The following ENPEP variants were observed in gnomAD, a reference collection of about 807,000 sequenced individuals.
ENPEP encodes the protein glutamyl aminopeptidase, also known as AP-A.
ENPEP carries 103 observed loss-of-function variants against 114.5 expected under a neutral mutation model. That is an observed-to-expected ratio of 0.90 (90% CI 0.77 to 1.06). The LOEUF is 1.06. Among genes scored for constraint, ENPEP ranks in the 50% least tolerant of loss-of-function variants. ENPEP has a pLI of 0.00. For missense variants in ENPEP, 1,196 were observed against 1,161.3 expected, an observed-to-expected ratio of 1.03 and a Z score of -0.43; for synonymous variants, 420 against 422.0, an observed-to-expected ratio of 1.00 and a Z score of 0.06.
chr4:110,476,934 G>C lies in ENPEP; in HGVS notation c.520G>C (p.Glu174Gln), dbSNP rs750548595. 3 of 1,614,202 alleles carry C rather than the reference G, an allele frequency of 1.9e-6. No individual in the cohort carries two copies. The South Asian group carries it at 3.3e-5, about 18-fold the overall frequency. ...GCAGGAGTACGTGGTGGTCGAGGCGGAGGAAGAGCTTACCCCCAGCAGTGG... is the reference window on the plus strand; with the variant it reads ...GCAGGAGTACGTGGTGGTCGAGGCGCAGGAAGAGCTTACCCCCAGCAGTGG... Reference protein sequence around the residue: ...KKQEYVVVEAEEELTPSSGDG... With the variant: ...KKQEYVVVEAQEELTPSSGDG... Residue 174 changes from glutamate (E) to glutamine (Q), a missense_variant, in exon 1 of 20, where the codon GAG (glutamate) becomes CAG (glutamine). Transcript: ENST00000265162.
At chr4:110,517,128 CG>C (rs1275942046) in intron 8 of ENPEP, among the ~76,000 whole-genome samples, 2 of 151,914 alleles carry the variant, frequency 1.3e-5, no homozygotes, top group Admixed American at 6.6e-5. Context: ...TTAGTAGAGA[CG>C]GGGTGTCGCC....
At chr4:110,518,147 G>C (rs1306914269) in intron 8 of ENPEP, among the ~76,000 whole-genome samples, 2 of 152,172 alleles carry the variant, frequency 1.3e-5, no homozygotes, top group African/African-American at 4.8e-5. Flanking sequence ...CAGCAAAATA[G>C]GTGCAGGATG....
At position 110,519,664 on chromosome 4, in the gene ENPEP, G is replaced by T. The variant is rs1196019659; in HGVS notation, c.1510-344G>T. ...CCATCATCATCATTATTATTCAAAA[G>T]GTTGTATATTTATTTCCTTAGAGCA... On this transcript the variant is annotated intron_variant, in intron 8 of 19. Coordinates refer to ENST00000265162, the MANE Select transcript of ENPEP (RefSeq NM_001977.4). Among the ~76,000 whole-genome samples the T allele has an allele frequency of 3.3e-5, 5 of 150,468 alleles. No individual in the cohort carries two copies. In the East Asian group the frequency reaches 9.9e-4, roughly 30 times the overall value.
intron 10 of ENPEP, among the ~76,000 whole-genome samples, chr4:110,530,072 G>A (rs907224851): frequency 1.2e-4 from 12 of 102,322 alleles, no homozygotes; most frequent in East Asian, 9.9e-4. Flanking sequence ...ATGAAACTCC[G>A]TCTAAAAAGA....
At chr4:110,494,286 C>T (rs1378739116) in intron 3 of ENPEP, among the ~76,000 whole-genome samples, 2 of 152,106 alleles carry the variant, frequency 1.3e-5, no homozygotes. Flanking sequence ...TCACTAATTT[C>T]TGAGTATTAG....
chr4:110,561,349 C>A, intron 19 of ENPEP, 57 bp from the exon 20 acceptor site: 2 of 1,571,006 alleles, frequency 1.3e-6, no homozygotes, highest in South Asian at 1.1e-5. Flanking sequence ...GAATGAAATT[C>A]TTGAAGACTA....
Position 110,520,938 on chromosome 4 carries a change from A to G in ENPEP, c.1727+572A>G, listed in dbSNP as rs116189422. On this transcript the variant is annotated intron_variant, in intron 10 of 19. Transcript: ENST00000265162. Reference sequence around the variant, plus strand: ...GCACACAGCTCTCAGAAATCTGGCAATGGCTCCAGGAAAAAATACAGTGGG... The same window carrying G: ...GCACACAGCTCTCAGAAATCTGGCAGTGGCTCCAGGAAAAAATACAGTGGG... Among the ~76,000 whole-genome samples, 1,191 of 152,290 alleles carry G rather than the reference A, an allele frequency of 7.8e-3. 16 individuals carry two copies. The highest frequency in any genetic ancestry group is 0.027 in the African/African-American group (1,133 of 41,558).
chr4:110,539,659 G>A (rs1222264017), intron 11 of ENPEP, among the ~76,000 whole-genome samples: 1 of 151,982 alleles, frequency 6.6e-6, no homozygotes, highest in Non-Finnish European at 1.5e-5. Flanking sequence ...CAAAGTGCTG[G>A]GATTACAAGT....
chr4:110,561,964 G>T lies in ENPEP; in HGVS notation c.*406G>T. On this transcript the variant is annotated 3_prime_UTR_variant, in exon 20 of 20. Transcript: ENST00000265162. ...ATTGATTTTTAAAGTTTAAATACCA[G>T]TACTTGAGGGACCAATATTACCATC... 6.4e-6 allele frequency: 1 copy of T among 157,318 alleles called. No individual in the cohort carries two copies. Among genetic ancestry groups the T allele is most frequent in the Non-Finnish European group, 1.4e-5 (1 of 71,738 alleles). The allele number at this position is 157,318 out of a possible 1,614,324, so 9.7% of individuals were successfully genotyped here. A position where few individuals can be genotyped will look rare whatever the true frequency, so the allele number is the denominator to read the frequency against.
At chr4:110,509,008 G>A (rs926872672) in intron 4 of ENPEP, among the ~76,000 whole-genome samples, 1 of 152,012 alleles carries the variant, frequency 6.6e-6, no homozygotes, top group Non-Finnish European at 1.5e-5. Context: ...TTCTGTCTTG[G>A]GATTTAACAT....
chr4:110,549,291 A>G (rs780535812), intron 14 of ENPEP, 55 bp from the exon 15 acceptor site: 5 of 1,331,086 alleles, frequency 3.8e-6, no homozygotes, highest in Non-Finnish European at 5.4e-6. Flanking sequence ...AATAATTGGG[A>G]TACTACTGAT....
In ENPEP at chr4:110,482,400, C is replaced by T. The variant is rs189141285; in HGVS notation, c.644+5342C>T. On this transcript the variant is annotated intron_variant, in intron 1 of 19. Transcript: ENST00000265162. ...AAGTAGCCAGGTTAGAAGGGAAGGTCGTAAGTTCAGTGTCAGATGTGTTGA... is the reference window on the plus strand; with the variant it reads ...AAGTAGCCAGGTTAGAAGGGAAGGTTGTAAGTTCAGTGTCAGATGTGTTGA... 3.4e-3 allele frequency among the ~76,000 whole-genome samples: 510 copies of T among 152,186 alleles called. 4 individuals carry two copies. Among genetic ancestry groups the T allele is most frequent in the African/African-American group, 0.011 (463 of 41,526 alleles).
At chr4:110,531,683 G>A (rs577357256) in intron 11 of ENPEP, among the ~76,000 whole-genome samples, 12 of 151,046 alleles carry the variant, frequency 7.9e-5, no homozygotes, top group Non-Finnish European at 1.6e-4. Context: ...ACCATTTTTT[G>A]GAAATATATT....
At chr4:110,482,554 A>AGTGT (rs1270997089) in intron 1 of ENPEP, among the ~76,000 whole-genome samples, 1 of 152,098 alleles carries the variant, frequency 6.6e-6, no homozygotes, top group Non-Finnish European at 1.5e-5. Context: ...ATCATCATTA[A>AGTGT]GTGTGTGTGT....
intron 3 of ENPEP, among the ~76,000 whole-genome samples, chr4:110,495,542 G>C (rs910336806): frequency 3.3e-5 from 5 of 152,078 alleles, no homozygotes; most frequent in African/African-American, 4.8e-5. Context: ...CCAAAATGGT[G>C]AAACCCTGTC....
rs527511329 is a variant in ENPEP at position 110,523,331 on chromosome 4, C to T, written c.1727+2965C>T. Among the ~76,000 whole-genome samples, 11 of 152,178 alleles carry T rather than the reference C, an allele frequency of 7.2e-5. No homozygotes were observed. In the East Asian group the frequency reaches 2.1e-3, roughly 29 times the overall value. On this transcript the variant is annotated intron_variant, in intron 10 of 19. Coordinates refer to ENST00000265162, the MANE Select transcript of ENPEP (RefSeq NM_001977.4). The stretch of plus-strand genomic sequence containing the variant: ...CTCACCTGCCGCCATGTAAAATGTC[C>T]CTCTCCCCCTTCTGCCATGATTGTA...
chr4:110,476,750 G>A lies in ENPEP; in HGVS notation c.336G>A (p.Glu112=). ...YDLHVKPLLE[E]DTYTGTVSIS... ...TGCACGTGAAGCCCCTGTTGGAGGAGGACACCTACACGGGCACCGTGAGCA... is the reference window on the plus strand; with the variant it reads ...TGCACGTGAAGCCCCTGTTGGAGGAAGACACCTACACGGGCACCGTGAGCA... Residue 112 remains glutamate, a synonymous_variant, in exon 1 of 20, where the codon GAG becomes GAA. Coordinates refer to ENST00000265162, the MANE Select transcript of ENPEP (RefSeq NM_001977.4). 2 of 1,614,180 alleles carry A rather than the reference G, an allele frequency of 1.2e-6. No individual in the cohort carries two copies. Among genetic ancestry groups the A allele is most frequent in the Non-Finnish European group, 1.7e-6 (2 of 1,180,034 alleles).
intron 1 of ENPEP, among the ~76,000 whole-genome samples, chr4:110,477,823 T>C (rs1332817397): frequency 6.6e-6 from 1 of 152,180 alleles, no homozygotes; most frequent in Non-Finnish European, 1.5e-5. Flanking sequence ...TATACAAATA[T>C]CTATCTAGAT....
At chr4:110,510,065 A>G (rs1004243548) in intron 5 of ENPEP, among the ~76,000 whole-genome samples, 180 bp from the exon 6 acceptor site, 1 of 152,234 alleles carries the variant, frequency 6.6e-6, no homozygotes, top group Non-Finnish European at 1.5e-5. Flanking sequence ...AATAAACTAA[A>G]GACAATTTAA....
Sources: allele counts gnomAD v4.1 joint callset (sites outside exome capture counted in the v4.1 genomes callset), GRCh38; gene constraint gnomAD v4.1.1; transcripts MANE v1.5; gene names NCBI Gene and HGNC (gene_info 2026-07-23, HGNC 2026-07-21).